ACAP2: variants seen among roughly 807,000 people sequenced by gnomAD.
ACAP2 encodes ArfGAP with coiled-coil, ankyrin repeat and PH domains 2, also known as arf-GAP with coiled-coil, ANK repeat and PH domain-containing protein 2.
A neutral mutation model predicts 115.8 loss-of-function variants in ACAP2; 39 were observed. The ratio of observed to expected loss-of-function variants is 0.34; its 90% confidence interval spans 0.26 to 0.44. ACAP2 has a LOEUF of 0.44. Ranked by LOEUF, ACAP2 falls within the 20% of genes least tolerant of loss-of-function variation. The probability of loss-of-function intolerance (pLI) is 1.00; values close to 1 mark genes in which losing one functional copy is unlikely to be tolerated. For missense variants in ACAP2, 662 were observed against 927.6 expected, an observed-to-expected ratio of 0.71 and a Z score of 3.72; for synonymous variants, 289 against 315.8, an observed-to-expected ratio of 0.92 and a Z score of 0.90.
intron 4 of ACAP2, among the ~76,000 whole-genome samples, chr3:195,377,138 C>CTTTTTTTTTTTT (rs749352761): frequency 0.022 from 1,699 of 77,076 alleles, 284 homozygotes; most frequent in East Asian, 0.11. Flanking sequence ...GAATGTAAAT[C>CTTTTTTTTTTTT]TTTTTTTTTT....
At chr3:195,386,682 T>C (rs1247994754) in intron 2 of ACAP2, among the ~76,000 whole-genome samples, 2 of 152,044 alleles carry the variant, frequency 1.3e-5, no homozygotes, top group Admixed American at 6.6e-5. Flanking sequence ...GACAAATGCA[T>C]GTGGGACTTA....
intron 15 of ACAP2, among the ~76,000 whole-genome samples, chr3:195,300,253 G>A (rs1257338612): frequency 2.0e-5 from 3 of 151,914 alleles, no homozygotes; most frequent in East Asian, 1.9e-4. Flanking sequence ...CCATGTTGGC[G>A]AGGCTGGTTT....
intron 1 of ACAP2, among the ~76,000 whole-genome samples, chr3:195,432,757 T>C (rs958789405): frequency 2.6e-5 from 4 of 152,204 alleles, no homozygotes; most frequent in African/African-American, 9.7e-5. Flanking sequence ...TGCGTTTAGT[T>C]TGTAGATCAA....
At chr3:195,292,838 C>T (rs565087122) in intron 18 of ACAP2, among the ~76,000 whole-genome samples, 15 of 144,510 alleles carry the variant, frequency 1.0e-4, no homozygotes, top group Non-Finnish European at 1.9e-4. Flanking sequence ...ACGAGAATCA[C>T]TTGAACCCGG....
chr3:195,344,235 AAAAC>A (rs1731055716), intron 5 of ACAP2, among the ~76,000 whole-genome samples: 1 of 152,092 alleles, frequency 6.6e-6, no homozygotes, highest in African/African-American at 2.4e-5. Context: ...AAAAAAGAAA[AAAAC>A]AAAAGAAAAG....
intron 4 of ACAP2, among the ~76,000 whole-genome samples, chr3:195,372,439 G>A (rs752546745): frequency 1.3e-5 from 2 of 152,136 alleles, no homozygotes; most frequent in Non-Finnish European, 2.9e-5. Flanking sequence ...TCACGCCTCC[G>A]ACCTCAGCAC....
At chr3:195,398,048 G>A (rs922907008) in intron 1 of ACAP2, among the ~76,000 whole-genome samples, 2 of 152,302 alleles carry the variant, frequency 1.3e-5, no homozygotes, top group African/African-American at 4.8e-5. Flanking sequence ...CAATACTGCT[G>A]TCCCTTTCCA....
At chr3:195,309,126 A>C (rs1728596527) in intron 10 of ACAP2, among the ~76,000 whole-genome samples, 1 of 152,246 alleles carries the variant, frequency 6.6e-6, no homozygotes, top group South Asian at 2.1e-4. Context: ...CTATCACCAA[A>C]TAATAACTGT....
chr3:195,301,482 G>C, intron 15 of ACAP2, 93 bp downstream of exon 15: 1 of 938,674 alleles, frequency 1.1e-6, no homozygotes. Flanking sequence ...TACATTGGTA[G>C]CATGAAGAAC....
intron 2 of ACAP2, among the ~76,000 whole-genome samples, chr3:195,386,538 AG>A (rs1298534598): frequency 6.6e-6 from 1 of 152,204 alleles, no homozygotes; most frequent in African/African-American, 2.4e-5. Flanking sequence ...AAACTAACAC[AG>A]GAACAGAAAA....
intron 1 of ACAP2, among the ~76,000 whole-genome samples, chr3:195,423,622 CA>C (rs59649323): frequency 0.072 from 6,623 of 92,550 alleles, 243 homozygotes; most frequent in African/African-American, 0.16. Context: ...GACTCCGTCT[CA>C]AAAAAAAAAA....
At chr3:195,389,849 C>G (rs1020919938) in intron 2 of ACAP2, among the ~76,000 whole-genome samples, 7 of 152,232 alleles carry the variant, frequency 4.6e-5, no homozygotes, top group Non-Finnish European at 8.8e-5. Context: ...AGGTGCTCCC[C>G]CAACGCGGAT....
chr3:195,407,153 G>T (rs1712841880), intron 1 of ACAP2, among the ~76,000 whole-genome samples: 2 of 150,486 alleles, frequency 1.3e-5, no homozygotes, highest in African/African-American at 4.9e-5. Flanking sequence ...ATTAGTGAAT[G>T]GAAATAAAAT....
At position 195,275,971 on chromosome 3, in the gene ACAP2, C is replaced by T. The variant is rs1341213248; in HGVS notation, c.*3357G>A. ...TCTAAAGTCATTCTGGACATACAATCTACAAAAATACATCATTTTTCCAGC... is the reference window on the plus strand; with the variant it reads ...TCTAAAGTCATTCTGGACATACAATTTACAAAAATACATCATTTTTCCAGC... On this transcript the variant is annotated 3_prime_UTR_variant, in exon 23 of 23. Coordinates refer to ENST00000326793, the MANE Select transcript of ACAP2 (RefSeq NM_012287.6). The T allele has an allele frequency of 6.6e-6, 1 of 152,594 alleles. No homozygotes were observed. Among genetic ancestry groups the T allele is most frequent in the Non-Finnish European group, 1.5e-5 (1 of 68,040 alleles). 9.5% of individuals were successfully genotyped at this position (152,594 alleles called of 1,614,324 possible). A position where few individuals can be genotyped will look rare whatever the true frequency, so the allele number is the denominator to read the frequency against.
chr3:195,316,456 T>TG (rs1389980745), intron 10 of ACAP2, among the ~76,000 whole-genome samples: 1 of 152,176 alleles, frequency 6.6e-6, no homozygotes, highest in African/African-American at 2.4e-5. Context: ...GGAAGTGCAG[T>TG]GGCACAATCT....
At chr3:195,366,593 G>A (rs1732739526) in intron 4 of ACAP2, among the ~76,000 whole-genome samples, 1 of 152,172 alleles carries the variant, frequency 6.6e-6, no homozygotes, top group Admixed American at 6.5e-5. Flanking sequence ...AGATCTCCAG[G>A]TGGTTTGTTT....
chr3:195,364,508 T>C (rs1002712069), intron 4 of ACAP2, among the ~76,000 whole-genome samples: 3 of 151,762 alleles, frequency 2.0e-5, no homozygotes, highest in Non-Finnish European at 2.9e-5. Flanking sequence ...GAGATGGAGG[T>C]TGCAGTAAAC....
intron 10 of ACAP2, among the ~76,000 whole-genome samples, chr3:195,309,446 T>C (rs1265496783): frequency 6.6e-6 from 1 of 151,530 alleles, no homozygotes; most frequent in African/African-American, 2.4e-5. Context: ...CTCAGGAGGC[T>C]GAGGCAGGAG....
At chr3:195,412,742 A>C (rs1713391235) in intron 1 of ACAP2, 1 of 254,188 alleles carries the variant, frequency 3.9e-6, no homozygotes, top group Non-Finnish European at 7.6e-6. Flanking sequence ...ACAAATTAAA[A>C]CCGTAACTGC....
Sources: allele counts gnomAD v4.1 joint callset (sites outside exome capture counted in the v4.1 genomes callset), GRCh38; gene constraint gnomAD v4.1.1; transcripts MANE v1.5; gene names NCBI Gene and HGNC (gene_info 2026-07-23, HGNC 2026-07-21).